The following AP1S3 variants were observed in gnomAD, a reference collection of about 807,000 sequenced individuals.
AP1S3 encodes AP-1 complex subunit sigma-3.
AP1S3 carries 10 observed loss-of-function variants against 20.9 expected under a neutral mutation model. That is an observed-to-expected ratio of 0.48 (90% CI 0.29 to 0.81). AP1S3 has a LOEUF of 0.81. Ranked by LOEUF, AP1S3 falls within the 30% of genes least tolerant of loss-of-function variation. The probability of loss-of-function intolerance (pLI) is 0.08; values close to 1 mark genes in which losing one functional copy is unlikely to be tolerated. For synonymous variants in AP1S3, 41 were observed against 61.5 expected (o/e 0.67, Z 1.56); for missense variants, 154 against 183.8 (o/e 0.84, Z 0.94).
intron 1 of AP1S3, among the ~76,000 whole-genome samples, chr2:223,831,988 AAT>A (rs1692269519): frequency 6.6e-6 from 1 of 151,746 alleles, no homozygotes; most frequent in Non-Finnish European, 1.5e-5. Flanking sequence ...GAGGCAGGAG[AAT>A]GGCGTGAACC....
intron 1 of AP1S3, among the ~76,000 whole-genome samples, chr2:223,779,684 T>C (rs756059868): frequency 4.0e-4 from 61 of 151,622 alleles, no homozygotes; most frequent in Admixed American, 3.0e-3. Flanking sequence ...GATTCAACTT[T>C]CGGCCAGGTG....
At chr2:223,764,519 T>C (rs1690432276) in intron 4 of AP1S3, among the ~76,000 whole-genome samples, 1 of 152,090 alleles carries the variant, frequency 6.6e-6, no homozygotes, top group East Asian at 1.9e-4. Context: ...TTATTTTATA[T>C]AGAAATCCCA....
intron 1 of AP1S3, among the ~76,000 whole-genome samples, chr2:223,835,941 T>C (rs1692385121): frequency 6.6e-6 from 1 of 152,192 alleles, no homozygotes; most frequent in Non-Finnish European, 1.5e-5. Context: ...CCTTGTTCCT[T>C]GGGAAACTTG....
At chr2:223,811,049 T>C (rs1318722966) in intron 1 of AP1S3, among the ~76,000 whole-genome samples, 4 of 152,102 alleles carry the variant, frequency 2.6e-5, no homozygotes, top group East Asian at 3.9e-4. Context: ...TTTGGTTACA[T>C]GAATGAACTG....
intron 2 of AP1S3, among the ~76,000 whole-genome samples, chr2:223,776,530 G>C (rs1333659992): frequency 1.3e-5 from 2 of 152,164 alleles, no homozygotes; most frequent in East Asian, 3.8e-4. Flanking sequence ...TGTGAAGGTT[G>C]CCTCTGTTTT....
intron 4 of AP1S3, among the ~76,000 whole-genome samples, chr2:223,761,385 G>A (rs1690350124): frequency 6.6e-6 from 1 of 152,112 alleles, no homozygotes; most frequent in African/African-American, 2.4e-5. Flanking sequence ...ATCCACACGA[G>A]GGCACATAGA....
At chr2:223,797,519 T>G (rs999911260) in intron 1 of AP1S3, among the ~76,000 whole-genome samples, 1 of 152,086 alleles carries the variant, frequency 6.6e-6, no homozygotes, top group Non-Finnish European at 1.5e-5. Context: ...CCCAGCACTT[T>G]GGGAGGCTGA....
At chr2:223,828,176 C>T (rs1692177505) in intron 1 of AP1S3, among the ~76,000 whole-genome samples, 1 of 151,322 alleles carries the variant, frequency 6.6e-6, no homozygotes, top group African/African-American at 2.4e-5. Context: ...GCTGATTGAA[C>T]CAAGCAGTCT....
At chr2:223,772,311 C>T (rs1314498841) in intron 3 of AP1S3, among the ~76,000 whole-genome samples, 1 of 152,060 alleles carries the variant, frequency 6.6e-6, no homozygotes, top group African/African-American at 2.4e-5. Context: ...ATGACAGGCC[C>T]CAAATCCTTG....
At chr2:223,814,965 G>A (rs181038003) in intron 1 of AP1S3, among the ~76,000 whole-genome samples, 77 of 152,178 alleles carry the variant, frequency 5.1e-4, no homozygotes, top group Non-Finnish European at 8.7e-4. Flanking sequence ...GTAGAAAGGG[G>A]TGTCTCACTA....
chr2:223,757,479 G>C lies in AP1S3; in HGVS notation c.*1236C>G. 1 of 476,912 alleles carries C rather than the reference G, an allele frequency of 2.1e-6. No homozygotes were observed. 29.5% of individuals were successfully genotyped at this position (476,912 alleles called of 1,614,324 possible). ...ATTTTTGTATTTTTAGTAGAGATGG[G>C]GTTTCATCATATTGGCCAGGCTGCT... On this transcript the variant is annotated 3_prime_UTR_variant, in exon 5 of 5. Coordinates refer to ENST00000396654, the MANE Select transcript of AP1S3 (RefSeq NM_001039569.2).
intron 1 of AP1S3, among the ~76,000 whole-genome samples, chr2:223,805,707 G>A (rs143962421): frequency 1.1e-3 from 173 of 152,218 alleles, no homozygotes; most frequent in African/African-American, 4.0e-3. Flanking sequence ...GAAATAGCTG[G>A]CATTTCTTAA....
Position 223,757,039 on chromosome 2 carries a change from G to T in AP1S3, c.*1676C>A, listed in dbSNP as rs1690239741. On this transcript the variant is annotated 3_prime_UTR_variant, in exon 5 of 5. Coordinates refer to ENST00000396654, the MANE Select transcript of AP1S3 (RefSeq NM_001039569.2). ...GCAGTCTTGCTCTGTCACCCGCCTG[G>T]AGTGCACTGGTATGACCTTGGCTCA... 1 of 972,054 alleles carries T rather than the reference G, an allele frequency of 1.0e-6. No individual in the cohort carries two copies. The highest frequency in any genetic ancestry group is 4.8e-5 in the South Asian group (1 of 20,988). 60.2% of individuals were successfully genotyped at this position (972,054 alleles called of 1,614,324 possible).
intron 1 of AP1S3, among the ~76,000 whole-genome samples, chr2:223,814,318 A>C (rs1691796902): frequency 6.6e-6 from 1 of 152,160 alleles, no homozygotes; most frequent in Non-Finnish European, 1.5e-5. Context: ...CTGTGTTAAC[A>C]ATGGGACGTG....
At chr2:223,770,258 A>G (rs781502000) in intron 3 of AP1S3, 3 of 1,550,612 alleles carry the variant, frequency 1.9e-6, no homozygotes, top group Non-Finnish European at 2.6e-6. Flanking sequence ...CTCGGAGTTC[A>G]AGGCAGGCGT....
intron 4 of AP1S3, among the ~76,000 whole-genome samples, chr2:223,759,285 A>C (rs1296785708): frequency 3.0e-5 from 4 of 134,756 alleles, no homozygotes; most frequent in Admixed American, 1.5e-4. Context: ...TCTCAAAAAC[A>C]AAAAAAAAAA....
At chr2:223,784,656 A>C (rs540035244) in intron 1 of AP1S3, among the ~76,000 whole-genome samples, 1 of 152,272 alleles carries the variant, frequency 6.6e-6, no homozygotes, top group Non-Finnish European at 1.5e-5. Context: ...AGTAAGTGTC[A>C]AGAGTCCTAT....
intron 1 of AP1S3, 140 bp from the exon 2 acceptor site, chr2:223,778,009 A>C (rs1018261373): frequency 1.5e-6 from 1 of 665,626 alleles, no homozygotes; most frequent in Non-Finnish European, 2.4e-6. Context: ...CATGAAAACT[A>C]TCTCATCTGA....
chr2:223,831,390 T>C (rs1039153740), intron 1 of AP1S3, among the ~76,000 whole-genome samples: 2 of 152,198 alleles, frequency 1.3e-5, no homozygotes, highest in East Asian at 3.9e-4. Flanking sequence ...CACCTTGGCC[T>C]CCCAAAGTGT....
Sources: allele counts gnomAD v4.1 joint callset (sites outside exome capture counted in the v4.1 genomes callset), GRCh38; gene constraint gnomAD v4.1.1; transcripts MANE v1.5; gene names NCBI Gene and HGNC (gene_info 2026-07-23, HGNC 2026-07-21).